Variants in RBPMS2 observed in about 807,000 individuals in gnomAD.
The protein encoded by RBPMS2 is RNA-binding protein with multiple splicing 2.
Under a neutral mutation model 25.7 loss-of-function variants are expected in RBPMS2, and 14 were observed. The ratio of observed to expected loss-of-function variants is 0.55; its 90% CI spans 0.36 to 0.85. The LOEUF (loss-of-function observed/expected upper bound fraction) is 0.85, where lower values mean the gene tolerates loss of function less well. Among genes scored for constraint, RBPMS2 ranks in the 40% least tolerant of loss-of-function variants. The probability of loss-of-function intolerance (pLI) is 0.01; values close to 1 mark genes in which losing one functional copy is unlikely to be tolerated. For synonymous variants in RBPMS2, 127 were observed against 115.6 expected (o/e 1.10, Z -0.63); for missense variants, 252 against 283.4 (o/e 0.89, Z 0.80).
chr15:64,753,741 C>T (rs2083704795), intron 1 of RBPMS2, among the ~76,000 whole-genome samples: 1 of 152,098 alleles, frequency 6.6e-6, no homozygotes, highest in Non-Finnish European at 1.5e-5. Flanking sequence ...AGCCTCTGTG[C>T]CCGGGGTTGG....
chr15:64,742,079 C>T (rs1030450195), intron 6 of RBPMS2, among the ~76,000 whole-genome samples: 5 of 152,052 alleles, frequency 3.3e-5, no homozygotes, highest in Non-Finnish European at 5.9e-5. Flanking sequence ...CAAGGAGAAT[C>T]GCTCGAACCC....
chr15:64,744,793 GTTTTGTTTTTTTTTTTTTTTTT>G (rs1387955540), intron 6 of RBPMS2, among the ~76,000 whole-genome samples: 3 of 57,796 alleles, frequency 5.2e-5, no homozygotes, highest in African/African-American at 2.6e-4. Flanking sequence ...TTTTTGGTTT[GTTTTGTTTTTTTTTTTTTTTTT>G]TTTTTTTTTT....
chr15:64,749,389 G>T (rs2083653192), intron 4 of RBPMS2, 42 bp downstream of exon 4: 3 of 1,542,452 alleles, frequency 1.9e-6, no homozygotes, highest in Non-Finnish European at 2.7e-6. Context: ...CACTGCCTAA[G>T]AGGGCTGTGA....
intron 6 of RBPMS2, among the ~76,000 whole-genome samples, chr15:64,742,615 G>C (rs1281415132): frequency 6.6e-6 from 1 of 152,226 alleles, no homozygotes; most frequent in African/African-American, 2.4e-5. Flanking sequence ...GCCTGACCCA[G>C]GACAGGGAAA....
At chr15:64,744,867 T>G (rs1226986886) in intron 6 of RBPMS2, among the ~76,000 whole-genome samples, 1 of 119,700 alleles carries the variant, frequency 8.4e-6, no homozygotes, top group Non-Finnish European at 1.6e-5. Flanking sequence ...CAGGCTAGAG[T>G]GCAGTGGCGC....
At chr15:64,774,984 G>A (rs2083919547) in intron 1 of RBPMS2, among the ~76,000 whole-genome samples, 1 of 150,664 alleles carries the variant, frequency 6.6e-6, no homozygotes, top group Non-Finnish European at 1.5e-5. Flanking sequence ...CCCGGACGGC[G>A]GCCGGCGCGC....
chr15:64,771,608 T>C (rs924340327), intron 1 of RBPMS2, among the ~76,000 whole-genome samples: 4 of 146,586 alleles, frequency 2.7e-5, no homozygotes, highest in Non-Finnish European at 6.0e-5. Flanking sequence ...TGGGAGGAGG[T>C]TGCAGTGAGC....
intron 1 of RBPMS2, among the ~76,000 whole-genome samples, chr15:64,760,407 G>A (rs1260178846): frequency 6.6e-6 from 1 of 152,206 alleles, no homozygotes; most frequent in Admixed American, 6.5e-5. Flanking sequence ...GTAAGTGCTG[G>A]CTTTTATTAG....
chr15:64,746,844 T>C (rs936047822), intron 6 of RBPMS2, among the ~76,000 whole-genome samples: 6 of 152,172 alleles, frequency 3.9e-5, no homozygotes, highest in Non-Finnish European at 8.8e-5. Context: ...ATGTAGCCAA[T>C]TGGTGCCAAA....
chr15:64,762,278 G>T lies in RBPMS2; in HGVS notation c.88-10640C>A, dbSNP rs116698609. ...TCCTACATGGTTACAGGCCAACGACGAGACTGACTGACAGACTGTCAACTC... is the reference window on the plus strand; with the variant it reads ...TCCTACATGGTTACAGGCCAACGACTAGACTGACTGACAGACTGTCAACTC... On this transcript the variant is annotated intron_variant, in intron 1 of 7. Coordinates refer to ENST00000300069, the MANE Select transcript of RBPMS2 (RefSeq NM_194272.3). The T allele has an allele frequency of 5.2e-3, 2,395 of 463,952 alleles. 38 individuals are homozygous for T. The highest frequency in any genetic ancestry group is 0.045 in the African/African-American group (2,235 of 50,200). The allele number at this position is 463,952 out of a possible 1,614,324, so 28.7% of individuals were successfully genotyped here.
chr15:64,752,484 CTGCTCTTAGCA>C (rs1036007318), intron 1 of RBPMS2, among the ~76,000 whole-genome samples: 3 of 152,186 alleles, frequency 2.0e-5, no homozygotes, highest in Non-Finnish European at 4.4e-5. Flanking sequence ...GCCTCTCTGC[CTGCTCTTAGCA>C]TGGTGATGGT....
intron 3 of RBPMS2, among the ~76,000 whole-genome samples, chr15:64,749,722 TG>T (rs2083657516): frequency 6.6e-6 from 1 of 152,166 alleles, no homozygotes; most frequent in Non-Finnish European, 1.5e-5. Context: ...AGGAATATCC[TG>T]TGGGAAATGA....
At chr15:64,767,770 A>G (rs1488236497) in intron 1 of RBPMS2, among the ~76,000 whole-genome samples, 1 of 152,108 alleles carries the variant, frequency 6.6e-6, no homozygotes, top group African/African-American at 2.4e-5. Context: ...CCCAGGTTTA[A>G]GTCATTCTCC....
At position 64,740,831 on chromosome 15, in the gene RBPMS2, G is replaced by C. The variant is rs549577608; in HGVS notation, c.*177C>G. ...GAAAGGCTTGAGGGTGCAGAACAAG[G>C]TGAGGAAGAGGAGGGAGGGGAACAG... On this transcript the variant is annotated 3_prime_UTR_variant, in exon 8 of 8. Coordinates refer to ENST00000300069, the MANE Select transcript of RBPMS2 (RefSeq NM_194272.3). The C allele has an allele frequency of 3.3e-4, 69 of 211,640 alleles. No individual in the cohort carries two copies. Among genetic ancestry groups the C allele is most frequent in the Non-Finnish European group, 5.9e-4 (61 of 103,184 alleles). 13.1% of individuals were successfully genotyped at this position (211,640 alleles called of 1,614,324 possible).
intron 5 of RBPMS2, among the ~76,000 whole-genome samples, 156 bp downstream of exon 5, chr15:64,748,844 G>GCA (rs915639514): frequency 2.0e-5 from 3 of 152,156 alleles, no homozygotes; most frequent in African/African-American, 7.2e-5. Context: ...GAAATTCTAG[G>GCA]CAGGCTGCAG....
intron 1 of RBPMS2, among the ~76,000 whole-genome samples, chr15:64,759,702 T>A (rs537394791): frequency 6.6e-6 from 1 of 151,870 alleles, no homozygotes; most frequent in Non-Finnish European, 1.5e-5. Flanking sequence ...TGAGATGGAG[T>A]CTTGCTGTCA....
At chr15:64,773,815 C>G (rs1437976639) in intron 1 of RBPMS2, among the ~76,000 whole-genome samples, 1 of 152,092 alleles carries the variant, frequency 6.6e-6, no homozygotes, top group Non-Finnish European at 1.5e-5. Context: ...GTCACCCTCC[C>G]CAACTGTCAA....
intron 1 of RBPMS2, among the ~76,000 whole-genome samples, chr15:64,768,927 C>T (rs909647009): frequency 6.0e-5 from 9 of 151,086 alleles, no homozygotes; most frequent in African/African-American, 2.2e-4. Flanking sequence ...GATGAAACCC[C>T]GTCTCTACTA....
chr15:64,750,472 T>C, intron 2 of RBPMS2, 91 bp from the exon 3 acceptor site: 2 of 1,099,290 alleles, frequency 1.8e-6, no homozygotes, highest in Non-Finnish European at 2.8e-6. Flanking sequence ...CGCGTTCCCC[T>C]GAGTCATTCT....
Sources: allele counts gnomAD v4.1 joint callset (sites outside exome capture counted in the v4.1 genomes callset), GRCh38; gene constraint gnomAD v4.1.1; transcripts MANE v1.5; gene names NCBI Gene and HGNC (gene_info 2026-07-23, HGNC 2026-07-21).